ERC2: variants seen among roughly 807,000 people sequenced by gnomAD.
ERC2 encodes the protein ELKS/RAB6-interacting/CAST family member 2.
In ERC2, 42 loss-of-function variants were observed where a neutral mutation model predicts 114.8. The ratio of observed to expected loss-of-function variants is 0.37; its 90% CI spans 0.29 to 0.47. The LOEUF is 0.47. ERC2 is among the 20% of genes least tolerant of loss of function. The pLI, the probability that ERC2 is intolerant of heterozygous loss-of-function variation, is 0.99. For missense variants in ERC2, 939 were observed against 1,150.7 expected, an observed-to-expected ratio of 0.82 and a Z score of 2.66; for synonymous variants, 454 against 425.5, an observed-to-expected ratio of 1.07 and a Z score of -0.82.
intron 3 of ERC2, among the ~76,000 whole-genome samples, chr3:56,251,270 C>CA (rs1314966363): frequency 6.6e-6 from 1 of 151,644 alleles, no homozygotes; most frequent in Admixed American, 6.6e-5. Context: ...CTGTAAAATG[C>CA]AAAAAAGTAA....
intron 2 of ERC2, among the ~76,000 whole-genome samples, chr3:56,345,722 C>T (rs1478540780): frequency 6.6e-6 from 1 of 152,170 alleles, no homozygotes. Flanking sequence ...GTAGAAAGGG[C>T]ATCAGAGCAG....
At chr3:56,369,453 T>A (rs1339358842) in intron 2 of ERC2, among the ~76,000 whole-genome samples, 2 of 152,110 alleles carry the variant, frequency 1.3e-5, no homozygotes, top group Admixed American at 1.3e-4. Context: ...ACTCTCCCTC[T>A]CTGCCACAAA....
chr3:55,630,775 C>T (rs56330515), intron 17 of ERC2, among the ~76,000 whole-genome samples: 2 of 152,096 alleles, frequency 1.3e-5, no homozygotes, highest in African/African-American at 4.8e-5. Context: ...AGATTTTTTT[C>T]TTTTTTTCCT....
chr3:55,920,356 A>G (rs2065344110), intron 13 of ERC2, among the ~76,000 whole-genome samples: 1 of 152,010 alleles, frequency 6.6e-6, no homozygotes, highest in African/African-American at 2.4e-5. Flanking sequence ...TTTCATCAAC[A>G]ATCAGCAACT....
intron 3 of ERC2, among the ~76,000 whole-genome samples, chr3:56,212,444 T>A (rs554651515): frequency 3.5e-4 from 53 of 151,896 alleles, no homozygotes; most frequent in South Asian, 2.1e-4. Context: ...AATCAAAAAA[T>A]CAAAAAATAA....
intron 14 of ERC2, among the ~76,000 whole-genome samples, chr3:55,764,351 G>C (rs1271317893): frequency 6.6e-6 from 1 of 152,098 alleles, no homozygotes; most frequent in Non-Finnish European, 1.5e-5. Context: ...CCTCCTCTTA[G>C]AACTGGCTTC....
chr3:55,664,266 G>A (rs1479388401), intron 17 of ERC2, among the ~76,000 whole-genome samples: 2 of 152,074 alleles, frequency 1.3e-5, no homozygotes, highest in Non-Finnish European at 2.9e-5. Flanking sequence ...GTTTATAGGT[G>A]GTTGCAAAAT....
intron 17 of ERC2, among the ~76,000 whole-genome samples, chr3:55,605,416 A>C (rs1358751360): frequency 1.3e-5 from 2 of 152,348 alleles, no homozygotes; most frequent in East Asian, 3.9e-4. Context: ...TAAAACAAAC[A>C]ACAGAAATAA....
At chr3:55,841,451 A>G (rs571743339) in intron 14 of ERC2, among the ~76,000 whole-genome samples, 3 of 152,190 alleles carry the variant, frequency 2.0e-5, no homozygotes, top group Non-Finnish European at 4.4e-5. Flanking sequence ...CTCCCCAGCC[A>G]TGTAGAACTG....
intron 3 of ERC2, among the ~76,000 whole-genome samples, chr3:56,219,923 C>G (rs527441220): frequency 6.6e-6 from 1 of 152,266 alleles, no homozygotes; most frequent in South Asian, 2.1e-4. Flanking sequence ...AATACAGATA[C>G]CATTGCCCAC....
intron 17 of ERC2, among the ~76,000 whole-genome samples, chr3:55,591,174 T>G (rs2057859126): frequency 7.0e-6 from 1 of 143,642 alleles, no homozygotes. Flanking sequence ...TTTTCACTTG[T>G]GTCTTTTAGC....
chr3:56,342,698 C>T (rs79816412), intron 2 of ERC2, among the ~76,000 whole-genome samples: 133 of 152,190 alleles, frequency 8.7e-4, no homozygotes, highest in African/African-American at 3.0e-3. Flanking sequence ...CAGGCACTGC[C>T]GAGGAGAGAG....
chr3:56,157,490 G>A (rs1036899666), intron 4 of ERC2, among the ~76,000 whole-genome samples: 2 of 152,170 alleles, frequency 1.3e-5, no homozygotes. Context: ...CAGCAATTCA[G>A]GGAATACTAC....
chr3:56,028,699 G>A (rs949887957), intron 7 of ERC2, among the ~76,000 whole-genome samples: 2 of 152,056 alleles, frequency 1.3e-5, no homozygotes, highest in African/African-American at 4.8e-5. Flanking sequence ...TTCTGGGAGT[G>A]AGGTGGGTTG....
At chr3:56,410,404 C>T (rs879623671) in intron 2 of ERC2, among the ~76,000 whole-genome samples, 10 of 152,184 alleles carry the variant, frequency 6.6e-5, no homozygotes, top group African/African-American at 1.9e-4. Context: ...TCCCACAGCA[C>T]GATATTCCTG....
chr3:55,703,714 G>C, intron 15 of ERC2, among the ~76,000 whole-genome samples: 1 of 152,236 alleles, frequency 6.6e-6, no homozygotes, highest in Non-Finnish European at 1.5e-5. Flanking sequence ...GGGCACACAG[G>C]CTACTGTGGA....
chr3:55,882,896 C>T (rs1013680761), intron 14 of ERC2, among the ~76,000 whole-genome samples: 2 of 152,186 alleles, frequency 1.3e-5, no homozygotes, highest in Non-Finnish European at 2.9e-5. Flanking sequence ...TCCCTCCATG[C>T]CCCAAATAAA....
chr3:55,752,548 G>A (rs1001153149), intron 14 of ERC2, among the ~76,000 whole-genome samples: 2 of 152,218 alleles, frequency 1.3e-5, no homozygotes, highest in Non-Finnish European at 2.9e-5. Flanking sequence ...GCCTACAATA[G>A]GAAATACATA....
At chr3:56,051,914 G>A (rs938696222) in intron 7 of ERC2, among the ~76,000 whole-genome samples, 2 of 151,620 alleles carry the variant, frequency 1.3e-5, no homozygotes, top group African/African-American at 4.9e-5. Flanking sequence ...GTCAGAGTTA[G>A]TGTCCTAAGA....
Sources: gnomAD v4.1 joint callset for allele counts (sites outside exome capture counted in the v4.1 genomes callset) on GRCh38, gnomAD v4.1.1 for gene constraint, MANE v1.5 for transcripts, NCBI Gene and HGNC (gene_info 2026-07-23, HGNC 2026-07-21) for gene names.